Variants in AGBL1 observed in about 807,000 individuals in gnomAD.
AGBL1 encodes AGBL carboxypeptidase 1, also known as cytosolic carboxypeptidase 4.
Under a neutral mutation model 118.9 loss-of-function variants are expected in AGBL1, and 130 were observed. That is an observed-to-expected ratio of 1.09 (90% CI 0.95 to 1.26). AGBL1 has a LOEUF of 1.26. Ranked by LOEUF, AGBL1 falls within the 50% of genes most tolerant of loss-of-function variation. AGBL1 has a pLI of 0.00. For synonymous variants in AGBL1, 555 were observed against 478.9 expected (o/e 1.16, Z -2.08); for missense variants, 1,584 against 1,298.1 (o/e 1.22, Z -3.38).
chr15:86,174,200 T>G (rs541687368), intron 5 of AGBL1, among the ~76,000 whole-genome samples: 2 of 152,254 alleles, frequency 1.3e-5, no homozygotes, highest in East Asian at 3.9e-4. Flanking sequence ...CATTTTGTTA[T>G]TTTTTGTAGC....
intron 17 of AGBL1, among the ~76,000 whole-genome samples, chr15:86,333,251 GT>G (rs1027904429): frequency 6.6e-6 from 1 of 152,146 alleles, no homozygotes; most frequent in African/African-American, 2.4e-5. Context: ...CCCAAAGTTG[GT>G]TTTTTGAAAG....
chr15:86,991,935 G>T (rs1418168896), intron 24 of AGBL1, among the ~76,000 whole-genome samples: 1 of 152,120 alleles, frequency 6.6e-6, no homozygotes, highest in Non-Finnish European at 1.5e-5. Flanking sequence ...CCCTATACCA[G>T]GTACATAGTA....
At position 86,478,540 on chromosome 15, in the gene AGBL1, T is replaced by C. The variant is rs552377251; in HGVS notation, c.2556-44270T>C. ...CAACTTACAAGGGATGTGAAGGACCTCTTCAGGGAGAACTACAAACCACTG... is the reference window on the plus strand; with the variant it reads ...CAACTTACAAGGGATGTGAAGGACCCCTTCAGGGAGAACTACAAACCACTG... On this transcript the variant is annotated intron_variant, in intron 18 of 22. Transcript: ENST00000614907. 2.6e-5 allele frequency among the ~76,000 whole-genome samples: 4 copies of C among 152,202 alleles called. No individual in the cohort carries two copies. In the South Asian group the frequency reaches 8.3e-4, roughly 32 times the overall value.
chr15:86,273,552 A>G (rs563068579), intron 15 of AGBL1, among the ~76,000 whole-genome samples: 1 of 152,348 alleles, frequency 6.6e-6, no homozygotes, highest in Admixed American at 6.5e-5. Flanking sequence ...CAATTGTAAA[A>G]TGATGCCTTA....
intron 17 of AGBL1, among the ~76,000 whole-genome samples, chr15:86,332,811 A>T (rs895098117): frequency 2.6e-5 from 4 of 152,154 alleles, no homozygotes; most frequent in Non-Finnish European, 5.9e-5. Context: ...GCCATAAAGC[A>T]AGTCTCAATA....
At chr15:86,886,237 A>G (rs557137794) in intron 22 of AGBL1, among the ~76,000 whole-genome samples, 2 of 152,258 alleles carry the variant, frequency 1.3e-5, no homozygotes, top group Admixed American at 1.3e-4. Context: ...TTATATTAGT[A>G]TATTTGCCTA....
chr15:86,788,819 G>A (rs568707392), intron 22 of AGBL1, among the ~76,000 whole-genome samples: 1 of 152,292 alleles, frequency 6.6e-6, no homozygotes, highest in East Asian at 1.9e-4. Context: ...TATATGTGAT[G>A]AGAAAGAATC....
chr15:86,982,336 T>C (rs2141723534), intron 23 of AGBL1, among the ~76,000 whole-genome samples: 1 of 152,324 alleles, frequency 6.6e-6, no homozygotes, highest in African/African-American at 2.4e-5. Flanking sequence ...TATTTTACTC[T>C]TTTATAGTAT....
At chr15:86,488,123 G>A (rs561118445) in intron 18 of AGBL1, among the ~76,000 whole-genome samples, 65 of 152,158 alleles carry the variant, frequency 4.3e-4, no homozygotes, top group African/African-American at 1.5e-3. Flanking sequence ...ATAACAGCTG[G>A]AAGTTGATGG....
chr15:86,233,660 T>C (rs2078492352), intron 6 of AGBL1, among the ~76,000 whole-genome samples: 1 of 152,244 alleles, frequency 6.6e-6, no homozygotes, highest in Admixed American at 6.5e-5. Flanking sequence ...GCTGACACTT[T>C]CCTTGGGAGG....
At chr15:86,474,089 A>G (rs2142108037) in intron 18 of AGBL1, among the ~76,000 whole-genome samples, 1 of 152,288 alleles carries the variant, frequency 6.6e-6, no homozygotes, top group Middle Eastern at 3.4e-3. Context: ...GAGTAACTAG[A>G]TTGGGAGGTT....
At chr15:86,372,868 C>G (rs1237952095) in intron 17 of AGBL1, among the ~76,000 whole-genome samples, 1 of 151,850 alleles carries the variant, frequency 6.6e-6, no homozygotes, top group Non-Finnish European at 1.5e-5. Context: ...AGAGGTCCCT[C>G]CCACCCTTGC....
intron 17 of AGBL1, among the ~76,000 whole-genome samples, chr15:86,336,302 G>T (rs2080367832): frequency 6.6e-6 from 1 of 152,220 alleles, no homozygotes; most frequent in Non-Finnish European, 1.5e-5. Flanking sequence ...GTTTCTGCAA[G>T]TCTTGAACAT....
intron 22 of AGBL1, among the ~76,000 whole-genome samples, chr15:86,777,758 A>G (rs762551654): frequency 3.3e-5 from 5 of 152,164 alleles, no homozygotes. Flanking sequence ...GACAACAGCC[A>G]TGTTACCTCT....
intron 22 of AGBL1, among the ~76,000 whole-genome samples, chr15:86,766,410 G>T (rs1411993389): frequency 1.3e-5 from 2 of 151,924 alleles, no homozygotes; most frequent in African/African-American, 4.8e-5. Context: ...TATAAATGGA[G>T]GATTTTGTAG....
intron 22 of AGBL1, among the ~76,000 whole-genome samples, chr15:86,831,231 C>A (rs1416495829): frequency 2.0e-5 from 3 of 152,138 alleles, no homozygotes; most frequent in African/African-American, 7.2e-5. Context: ...GATTTGGGTG[C>A]AGACAGAGCC....
chr15:87,001,970 C>G (rs1321225296), intron 24 of AGBL1, among the ~76,000 whole-genome samples: 1 of 152,024 alleles, frequency 6.6e-6, no homozygotes, highest in Non-Finnish European at 1.5e-5. Context: ...TGTGCAGAAG[C>G]TCTTTAGTTT....
chr15:87,021,676 G>A (rs537285636), intron 24 of AGBL1, among the ~76,000 whole-genome samples: 8 of 152,072 alleles, frequency 5.3e-5, no homozygotes, highest in Non-Finnish European at 7.4e-5. Context: ...CCATTAAAAC[G>A]TGAGCAAAGC....
Position 86,286,735 on chromosome 15 carries a change from G to GTGTATATATATATATATATATATATA in AGBL1, c.2220+6953_2220+6954insGTATATATATATATATATATATATAT. On this transcript the variant is annotated intron_variant, in intron 16 of 22. Transcript: ENST00000614907. ...TATATGTGTGTGTGTGTTTGTGTGTGTATATATATATATAAAACTCCATCA... is the reference window on the plus strand; with the variant it reads ...TATATGTGTGTGTGTGTTTGTGTGTGTGTATATATATATATATATATATATATATATATATATATAAAACTCCATCA... Among the ~76,000 whole-genome samples, 531 of 106,242 alleles carry GTGTATATATATATATATATATATATA rather than the reference G, an allele frequency of 5.0e-3. 63 individuals carry two copies. The highest frequency in any genetic ancestry group is 0.014 in the African/African-American group (371 of 25,732). 69.7% of individuals were successfully genotyped at this position (106,242 alleles called of 152,430 possible).
Sources: allele counts gnomAD v4.1 joint callset (sites outside exome capture counted in the v4.1 genomes callset), GRCh38; gene constraint gnomAD v4.1.1; transcripts MANE v1.5; gene names NCBI Gene and HGNC (gene_info 2026-07-23, HGNC 2026-07-21).